Variants in PTPRD observed in about 807,000 individuals in gnomAD.
The protein encoded by PTPRD is receptor-type tyrosine-protein phosphatase delta.
Under a neutral mutation model 214.5 loss-of-function variants are expected in PTPRD, and 34 were observed. The observed-to-expected ratio is 0.16, with a 90% confidence interval of 0.12 to 0.21. PTPRD has a LOEUF of 0.21. Ranked by LOEUF, PTPRD falls within the 10% of genes least tolerant of loss-of-function variation. The pLI is 1.00. For synonymous variants in PTPRD, 1,128 were observed against 845.7 expected (o/e 1.33, Z -5.79); for missense variants, 2,545 against 2,398.7 (o/e 1.06, Z -1.27).
chr9:9,874,135 A>T (rs1773713176), intron 5 of PTPRD, among the ~76,000 whole-genome samples: 1 of 152,156 alleles, frequency 6.6e-6, no homozygotes, highest in Non-Finnish European at 1.5e-5. Context: ...GTAAAACAAA[A>T]AGAAGGGTAA....
intron 7 of PTPRD, among the ~76,000 whole-genome samples, chr9:9,711,663 A>G (rs1270921516): frequency 1.3e-5 from 2 of 152,176 alleles, no homozygotes; most frequent in Non-Finnish European, 2.9e-5. Flanking sequence ...CTCAAGGTCA[A>G]CAGACACTTT....
At chr9:9,978,580 T>C (rs925216444) in intron 4 of PTPRD, among the ~76,000 whole-genome samples, 2 of 152,028 alleles carry the variant, frequency 1.3e-5, no homozygotes, top group Non-Finnish European at 2.9e-5. Flanking sequence ...CACCATCAAA[T>C]GACTATTATG....
chr9:9,364,500 T>G (rs973699637), intron 9 of PTPRD, among the ~76,000 whole-genome samples: 8 of 151,424 alleles, frequency 5.3e-5, no homozygotes, highest in Non-Finnish European at 7.4e-5. Context: ...GAGCAAATTG[T>G]TGAATGGTAT....
intron 37 of PTPRD, among the ~76,000 whole-genome samples, chr9:8,377,553 T>C (rs1051963044): frequency 6.6e-6 from 1 of 152,034 alleles, no homozygotes; most frequent in Admixed American, 6.6e-5. Context: ...CACAGCACAA[T>C]ATTTTTGGAG....
chr9:9,055,624 G>C (rs752667030), intron 10 of PTPRD, among the ~76,000 whole-genome samples: 1 of 151,936 alleles, frequency 6.6e-6, no homozygotes, highest in Non-Finnish European at 1.5e-5. Context: ...GCCTCAAAAC[G>C]TAGTAAAAGT....
chr9:10,037,250 T>A (rs1010506718), intron 3 of PTPRD, among the ~76,000 whole-genome samples: 1 of 152,108 alleles, frequency 6.6e-6, no homozygotes, highest in African/African-American at 2.4e-5. Context: ...TCATATCAAA[T>A]CATAATCCTC....
intron 12 of PTPRD, among the ~76,000 whole-genome samples, chr9:8,650,672 C>T (rs896695806): frequency 3.3e-5 from 5 of 152,016 alleles, no homozygotes; most frequent in Non-Finnish European, 5.9e-5. Context: ...GAAAAATGCC[C>T]AGCATTATTC....
intron 5 of PTPRD, among the ~76,000 whole-genome samples, chr9:9,835,469 A>G (rs2056474748): frequency 6.6e-6 from 1 of 152,158 alleles, no homozygotes; most frequent in Admixed American, 6.6e-5. Context: ...ACAGTGATGT[A>G]CATTGTATTG....
At chr9:8,850,462 G>C (rs1215002667) in intron 11 of PTPRD, among the ~76,000 whole-genome samples, 4 of 152,036 alleles carry the variant, frequency 2.6e-5, no homozygotes, top group South Asian at 2.1e-4. Flanking sequence ...AACTGACAAA[G>C]AACAACTTCC....
intron 2 of PTPRD, among the ~76,000 whole-genome samples, chr9:10,463,548 G>A (rs1218386256): frequency 6.6e-6 from 1 of 152,110 alleles, no homozygotes; most frequent in Non-Finnish European, 1.5e-5. Context: ...CAAAAAAAGT[G>A]TTGAGATTGA....
At chr9:8,391,031 GAA>G (rs2089350006) in intron 36 of PTPRD, among the ~76,000 whole-genome samples, 1 of 151,922 alleles carries the variant, frequency 6.6e-6, no homozygotes, top group Non-Finnish European at 1.5e-5. Flanking sequence ...CTGTAGGGGA[GAA>G]CAAGCACTTT....
chr9:9,429,768 A>T (rs1270063682), intron 8 of PTPRD, among the ~76,000 whole-genome samples: 2 of 152,158 alleles, frequency 1.3e-5, no homozygotes, highest in Non-Finnish European at 2.9e-5. Context: ...AATAAACATA[A>T]TCCATCATAC....
chr9:10,121,771 C>G (rs547863526), intron 3 of PTPRD, among the ~76,000 whole-genome samples: 2 of 152,104 alleles, frequency 1.3e-5, no homozygotes, highest in Admixed American at 6.6e-5. Flanking sequence ...TTACGCAGAC[C>G]CTTTGTAGGT....
intron 3 of PTPRD, among the ~76,000 whole-genome samples, chr9:10,098,190 G>T (rs942795561): frequency 1.3e-5 from 2 of 151,692 alleles, no homozygotes; most frequent in African/African-American, 4.8e-5. Context: ...CATGTCCTTT[G>T]TAGGGACATG....
chr9:9,922,457 T>A (rs2082827994), intron 5 of PTPRD, among the ~76,000 whole-genome samples: 1 of 151,984 alleles, frequency 6.6e-6, no homozygotes, highest in Non-Finnish European at 1.5e-5. Flanking sequence ...ATTCTAAAAT[T>A]CCCTTGTGAA....
At chr9:8,622,762 T>A (rs1032212964) in intron 14 of PTPRD, among the ~76,000 whole-genome samples, 3 of 151,928 alleles carry the variant, frequency 2.0e-5, no homozygotes, top group African/African-American at 7.2e-5. Context: ...TTCTAATTTT[T>A]AAAAATAAAC....
intron 10 of PTPRD, among the ~76,000 whole-genome samples, chr9:9,137,668 G>A (rs189696945): frequency 3.8e-4 from 58 of 152,152 alleles, no homozygotes; most frequent in Admixed American, 3.7e-3. Flanking sequence ...AATTTATTAA[G>A]CAAAAATGTT....
At chr9:9,149,823 G>A (rs1288920225) in intron 10 of PTPRD, among the ~76,000 whole-genome samples, 1 of 152,194 alleles carries the variant, frequency 6.6e-6, no homozygotes, top group African/African-American at 2.4e-5. Context: ...TGGCTGTACT[G>A]TTCCTTCATG....
At chr9:10,194,357 G>C (rs1320588857) in intron 3 of PTPRD, among the ~76,000 whole-genome samples, 2 of 10,016 alleles carry the variant, frequency 2.0e-4, no homozygotes, top group African/African-American at 4.3e-4. Context: ...GAGAGAGAGA[G>C]AGAGAGAGAG....
Sources: gnomAD v4.1 joint callset for allele counts (sites outside exome capture counted in the v4.1 genomes callset) on GRCh38, gnomAD v4.1.1 for gene constraint, MANE v1.5 for transcripts, NCBI Gene and HGNC (gene_info 2026-07-23, HGNC 2026-07-21) for gene names.